Variants in PKD1L1 observed in about 807,000 individuals in gnomAD.
The protein encoded by PKD1L1 is polycystin 1 like 1, transient receptor potential channel interacting, also known as polycystin-1-like protein 1.
In PKD1L1, 236 loss-of-function variants were observed where a neutral mutation model predicts 323.4. That is an observed-to-expected ratio of 0.73 (90% CI 0.66 to 0.81). PKD1L1 has a LOEUF of 0.81. Among genes scored for constraint, PKD1L1 ranks in the 40% least tolerant of loss-of-function variants. The pLI, the probability that PKD1L1 is intolerant of heterozygous loss-of-function variation, is 0.00. For missense variants in PKD1L1, 3,320 were observed against 3,508.0 expected, an observed-to-expected ratio of 0.95 and a Z score of 1.35; for synonymous variants, 1,344 against 1,335.0, an observed-to-expected ratio of 1.01 and a Z score of -0.15.
intron 31 of PKD1L1, among the ~76,000 whole-genome samples, chr7:47,852,259 T>C (rs1397933833): frequency 6.6e-6 from 1 of 152,208 alleles, no homozygotes; most frequent in Non-Finnish European, 1.5e-5. Flanking sequence ...TGGGTATATG[T>C]TGTGCGTATT....
chr7:47,901,104 C>G (rs1787077013), intron 13 of PKD1L1, among the ~76,000 whole-genome samples: 2 of 151,848 alleles, frequency 1.3e-5, no homozygotes, highest in Non-Finnish European at 2.9e-5. Context: ...CTCTGGGAGG[C>G]CAAGGCAGGT....
intron 32 of PKD1L1, 104 bp from the exon 33 acceptor site, chr7:47,845,182 C>T: frequency 1.1e-6 from 1 of 886,678 alleles, no homozygotes; most frequent in Non-Finnish European, 1.7e-6. Flanking sequence ...AGAAAGAGTG[C>T]AATAATGATA....
chr7:47,873,163 G>A (rs1281179204), intron 24 of PKD1L1, among the ~76,000 whole-genome samples: 1 of 152,072 alleles, frequency 6.6e-6, no homozygotes, highest in Non-Finnish European at 1.5e-5. Context: ...CCGGTGGGAG[G>A]AAGCTGGGTG....
At chr7:47,777,188 G>A (rs897931466) in intron 56 of PKD1L1, among the ~76,000 whole-genome samples, 12 of 152,156 alleles carry the variant, frequency 7.9e-5, no homozygotes, top group African/African-American at 2.4e-4. Flanking sequence ...CACCACACCC[G>A]GCTGACACTT....
intron 51 of PKD1L1, 99 bp from the exon 52 acceptor site, chr7:47,808,486 T>C: frequency 3.5e-6 from 5 of 1,420,134 alleles, no homozygotes; most frequent in Non-Finnish European, 4.9e-6. Flanking sequence ...CATGAGTCAC[T>C]TAACTACAGG....
intron 26 of PKD1L1, among the ~76,000 whole-genome samples, chr7:47,864,356 C>G (rs959281036): frequency 8.5e-5 from 13 of 152,076 alleles, no homozygotes; most frequent in African/African-American, 3.1e-4. Flanking sequence ...ATCTCTCAAG[C>G]AGCAATGCAG....
rs776967182 is a variant in PKD1L1, at chr7:47,929,208, T to A, written c.1056A>T (p.Ser352=). The change falls in exon 7 of 57, where the codon TCA becomes TCT. Residue 352 remains serine (S), a synonymous_variant. Coordinates refer to ENST00000289672, the MANE Select transcript of PKD1L1 (RefSeq NM_138295.5). ...AMAVTAYHQY[S]KGIFFHLLHF... The stretch of plus-strand genomic sequence containing the variant: ...TAAGGACACCATGCACCTTACCTTT[T>A]GAGTACTGGTGGTAGGCAGTCACCG... 6.2e-7 allele frequency: 1 copy of A among 1,613,574 alleles called. No homozygotes were observed. Among genetic ancestry groups the A allele is most frequent in the East Asian group, 2.2e-5 (1 of 44,868 alleles).
At chr7:47,872,963 T>C (rs1220326004) in intron 24 of PKD1L1, among the ~76,000 whole-genome samples, 1 of 152,196 alleles carries the variant, frequency 6.6e-6, no homozygotes, top group Non-Finnish European at 1.5e-5. Flanking sequence ...GTTCATACAA[T>C]AAAATATTAT....
At chr7:47,954,698 CT>C in the PKD1L1 span, among the ~76,000 whole-genome samples, 12 of 152,224 alleles carry the variant, frequency 7.9e-5, no homozygotes, top group Non-Finnish European at 1.6e-4. Context: ...ACATTTTACG[CT>C]TCCCAATTTA....
At chr7:47,819,613 C>A in intron 46 of PKD1L1, 1 of 1,296,724 alleles carries the variant, frequency 7.7e-7, no homozygotes, top group Non-Finnish European at 1.0e-6. Flanking sequence ...CAGAAAATTC[C>A]ACTTAATTTC....
chr7:47,893,971 C>A lies in PKD1L1; in HGVS notation c.2360G>T (p.Gly787Val). 1 of 1,613,762 alleles carries A rather than the reference C, an allele frequency of 6.2e-7. No individual in the cohort carries two copies. Among genetic ancestry groups the A allele is most frequent in the Non-Finnish European group, 8.5e-7 (1 of 1,179,834 alleles). ...GGTCCTGGAGAAGAATAGGTGTGTG[C>A]CCTCGGAGATCACACTGACAGGGGC... The part of the protein sequence containing the change: ...AQAPVSVISE[G>V]THLFFSRTTS... Residue 787 changes from glycine to valine, a missense_variant, in exon 15 of 57, where the codon GGC becomes GTC. Transcript: ENST00000289672.
At chr7:47,814,536 C>G (rs917883098) in intron 47 of PKD1L1, among the ~76,000 whole-genome samples, 2 of 152,134 alleles carry the variant, frequency 1.3e-5, no homozygotes, top group African/African-American at 2.4e-5. Context: ...TGTGCCACCA[C>G]GCGCGGCTAA....
Position 47,846,983 on chromosome 7 carries a change from T to C in PKD1L1, c.5049A>G (p.Thr1683=), listed in dbSNP as rs1252408811. The change falls in exon 32 of 57, where the codon ACA becomes ACG. Residue 1683 remains threonine, a synonymous_variant. Coordinates refer to ENST00000289672, the MANE Select transcript of PKD1L1 (RefSeq NM_138295.5). ...GGCATCGGATCCACTGGAAATGTAC[T>C]GTATAGTTCACTGCCTTAGCTAAAT... is the stretch of plus-strand genomic sequence containing the variant. ...NRYLAKAVNY[T]VHFQWIRCLF... 3 of 1,613,788 alleles carry C rather than the reference T, an allele frequency of 1.9e-6. No homozygotes were observed. The highest frequency in any genetic ancestry group is 1.1e-5 in the South Asian group (1 of 90,914).
chr7:47,837,926 A>C (rs1285250402), intron 36 of PKD1L1, among the ~76,000 whole-genome samples: 5 of 152,232 alleles, frequency 3.3e-5, no homozygotes, highest in Non-Finnish European at 7.3e-5. Flanking sequence ...TAAATAAACT[A>C]GCCAACAAGC....
intron 31 of PKD1L1, among the ~76,000 whole-genome samples, chr7:47,849,246 C>A (rs1030912550): frequency 6.6e-6 from 1 of 152,130 alleles, no homozygotes; most frequent in African/African-American, 2.4e-5. Flanking sequence ...TGTAAAAATT[C>A]TAAAAGATAA....
chr7:47,892,123 G>C (rs1373820216), intron 15 of PKD1L1, among the ~76,000 whole-genome samples: 2 of 152,212 alleles, frequency 1.3e-5, no homozygotes, highest in Non-Finnish European at 2.9e-5. Flanking sequence ...CATAGTAAGT[G>C]AGCAAAGGCT....
At chr7:47,888,689 A>G (rs1160242787) in intron 16 of PKD1L1, among the ~76,000 whole-genome samples, 1 of 152,220 alleles carries the variant, frequency 6.6e-6, no homozygotes, top group Non-Finnish European at 1.5e-5. Flanking sequence ...TTCCCTGTGC[A>G]GGGTTGTGGG....
Position 47,843,368 on chromosome 7 carries a change from C to G in PKD1L1, c.5238-199G>C, listed in dbSNP as rs892323163. ...CTGTGGTCCAGTGAGCAGCACCCCA[C>G]AAGCATGGACTCCAGAACCAAAGAA... is the stretch of plus-strand genomic sequence containing the variant. On this transcript the variant is annotated intron_variant, in intron 33 of 56. Coordinates refer to ENST00000289672, the MANE Select transcript of PKD1L1 (RefSeq NM_138295.5). Among the ~76,000 whole-genome samples the G allele has an allele frequency of 1.1e-4, 16 of 152,302 alleles. No individual in the cohort carries two copies. In the South Asian group the frequency reaches 3.3e-3, roughly 32 times the overall value.
Position 47,942,414 on chromosome 7 carries a change from CA to C in PKD1L1, c.160+981del, listed in dbSNP as rs571333224. On this transcript the variant is annotated intron_variant, in intron 2 of 56. Coordinates refer to ENST00000289672, the MANE Select transcript of PKD1L1 (RefSeq NM_138295.5). ...CGTTGCATTGTTTCAACATTGATGC[CA>C]GGCACACACCCGCCTCCTGCCCCGC... Among the ~76,000 whole-genome samples, 13 of 152,214 alleles carry C rather than the reference CA, an allele frequency of 8.5e-5. 1 individual carries two copies. Among genetic ancestry groups the C allele is most frequent in the Admixed American group, 8.5e-4 (13 of 15,296 alleles).
Sources: gnomAD v4.1 joint callset for allele counts (sites outside exome capture counted in the v4.1 genomes callset) on GRCh38, gnomAD v4.1.1 for gene constraint, MANE v1.5 for transcripts, NCBI Gene and HGNC (gene_info 2026-07-23, HGNC 2026-07-21) for gene names.